Variants in AK8 observed in about 807,000 individuals in gnomAD.
The protein encoded by AK8 is ATP-AMP transphosphorylase 8.
In AK8, 44 loss-of-function variants were observed where a neutral mutation model predicts 54.6. The ratio of observed to expected loss-of-function variants is 0.81; its 90% CI spans 0.63 to 1.04. The LOEUF (loss-of-function observed/expected upper bound fraction) is 1.04. Among genes scored for constraint, AK8 ranks in the 50% least tolerant of loss-of-function variants. The probability of loss-of-function intolerance (pLI) is 0.00; values close to 1 mark genes in which losing one functional copy is unlikely to be tolerated. For missense variants in AK8, 555 were observed against 613.6 expected (o/e 0.90, Z 1.01); for synonymous variants, 239 against 245.6 (o/e 0.97, Z 0.25).
At chr9:132,811,017 T>C (rs931562183) in intron 10 of AK8, among the ~76,000 whole-genome samples, 7 of 152,024 alleles carry the variant, frequency 4.6e-5, no homozygotes, top group Admixed American at 2.0e-4. Context: ...AGAGAGGTGG[T>C]TCACAAAGAT....
rs140361039 is a variant in AK8, at chr9:132,796,130, A to G, written c.980-3355T>C. On this transcript the variant is annotated intron_variant, in intron 10 of 12. Transcript: ENST00000298545. ...TGGTTTAAGTGACCCGCCCAAGGTC[A>G]TCTAGCCAGCTGGTGATCAGGCTGG... 7.3e-3 allele frequency among the ~76,000 whole-genome samples: 1,119 copies of G among 152,302 alleles called. 13 individuals carry two copies. The highest frequency in any genetic ancestry group is 0.025 in the African/African-American group (1,049 of 41,564).
At chr9:132,772,785 CCT>C (rs894976103) in intron 11 of AK8, among the ~76,000 whole-genome samples, 1 of 152,054 alleles carries the variant, frequency 6.6e-6, no homozygotes, top group Non-Finnish European at 1.5e-5. Flanking sequence ...CTCTGCAACG[CCT>C]CTCTCTCTCA....
intron 10 of AK8, among the ~76,000 whole-genome samples, chr9:132,800,074 G>T (rs924459880): frequency 1.3e-5 from 2 of 152,156 alleles, no homozygotes; most frequent in African/African-American, 4.8e-5. Context: ...CTCGCATCCC[G>T]CCAGGGGCTC....
At chr9:132,823,944 A>C (rs1319437960) in intron 8 of AK8, among the ~76,000 whole-genome samples, 2 of 152,234 alleles carry the variant, frequency 1.3e-5, no homozygotes, top group African/African-American at 4.8e-5. Context: ...CCAAAGAGGT[A>C]GTGATCAAAG....
At position 132,748,870 on chromosome 9, in the gene AK8, G is replaced by GTGTT. The variant is rs201854731; in HGVS notation, c.1122-21340_1122-21337dup. Among the ~76,000 whole-genome samples the GTGTT allele has an allele frequency of 6.2e-4, 94 of 151,964 alleles. 1 individual carries two copies. In the East Asian group the frequency reaches 0.013, roughly 21 times the overall value. The stretch of plus-strand genomic sequence containing the variant: ...ATTTTTCTGATGAAGTGGCTAAGTT[G>GTGTT]TGTTTGTTTGTTTGTTTGTTTTGAG... On this transcript the variant is annotated intron_variant, in intron 11 of 12. Coordinates refer to ENST00000298545, the MANE Select transcript of AK8 (RefSeq NM_152572.3).
intron 11 of AK8, among the ~76,000 whole-genome samples, chr9:132,759,862 T>C (rs559884444): frequency 1.3e-5 from 2 of 152,352 alleles, no homozygotes; most frequent in African/African-American, 4.8e-5. Context: ...TCCTCCCACT[T>C]TGTCTTTCTT....
intron 11 of AK8, among the ~76,000 whole-genome samples, chr9:132,733,171 T>C (rs1046585929): frequency 2.0e-5 from 3 of 152,012 alleles, no homozygotes; most frequent in Non-Finnish European, 4.4e-5. Context: ...TCCTTGCACA[T>C]GTGCTTGATA....
In AK8 at chr9:132,729,517, T is replaced by G. The variant is rs528807273; in HGVS notation, c.1122-1983A>C. On this transcript the variant is annotated intron_variant, in intron 11 of 12. Coordinates refer to ENST00000298545, the MANE Select transcript of AK8 (RefSeq NM_152572.3). Reference sequence around the variant, plus strand: ...AGCCAGGTCTTCTAGCACTAAATCATCTGGTTCATTTTTAAAAAATAACTT... The same window carrying G: ...AGCCAGGTCTTCTAGCACTAAATCAGCTGGTTCATTTTTAAAAAATAACTT... Among the ~76,000 whole-genome samples the G allele has an allele frequency of 6.4e-4, 97 of 152,350 alleles. 1 individual carries two copies. In the Middle Eastern group the frequency reaches 0.02, roughly 32 times the overall value.
At chr9:132,802,777 A>G (rs2131207704) in intron 10 of AK8, among the ~76,000 whole-genome samples, 1 of 152,274 alleles carries the variant, frequency 6.6e-6, no homozygotes, top group African/African-American at 2.4e-5. Context: ...AAGGCATCCC[A>G]CCTAAGCCCA....
At chr9:132,758,230 C>A (rs552393240) in intron 11 of AK8, among the ~76,000 whole-genome samples, 1 of 152,170 alleles carries the variant, frequency 6.6e-6, no homozygotes, top group South Asian at 2.1e-4. Context: ...GAAACAGTCA[C>A]ACGAATACGC....
chr9:132,851,792 C>T (rs1842980896), intron 5 of AK8, among the ~76,000 whole-genome samples: 2 of 152,186 alleles, frequency 1.3e-5, no homozygotes, highest in Admixed American at 1.3e-4. Flanking sequence ...CAGTCATCTG[C>T]TAAGACAAAA....
intron 11 of AK8, among the ~76,000 whole-genome samples, chr9:132,735,707 C>T (rs1023120048): frequency 7.2e-5 from 11 of 152,298 alleles, no homozygotes; most frequent in Middle Eastern, 3.4e-3. Flanking sequence ...AGTACCACTT[C>T]GGAGGATATA....
intron 5 of AK8, among the ~76,000 whole-genome samples, chr9:132,829,130 G>A (rs530498750): frequency 2.0e-5 from 3 of 151,922 alleles, no homozygotes; most frequent in East Asian, 3.9e-4. Context: ...CTAATTTTTT[G>A]TATTTTTAGT....
intron 5 of AK8, among the ~76,000 whole-genome samples, chr9:132,835,876 C>A (rs1401624396): frequency 6.6e-6 from 1 of 152,170 alleles, no homozygotes; most frequent in East Asian, 1.9e-4. Context: ...GTAATCCCAG[C>A]ACTTTGGGAG....
intron 11 of AK8, among the ~76,000 whole-genome samples, chr9:132,778,551 T>C (rs564044699): frequency 1.3e-5 from 2 of 152,348 alleles, no homozygotes; most frequent in Admixed American, 1.3e-4. Flanking sequence ...TTGGTCCTAC[T>C]GCTGTCCTCT....
At chr9:132,805,552 C>T (rs1055058303) in intron 10 of AK8, among the ~76,000 whole-genome samples, 15 of 152,136 alleles carry the variant, frequency 9.9e-5, no homozygotes, top group African/African-American at 3.4e-4. Context: ...CTTTTGGTGA[C>T]GGGGCTGCCT....
chr9:132,856,327 C>T (rs1160734160), intron 4 of AK8, among the ~76,000 whole-genome samples: 5 of 152,364 alleles, frequency 3.3e-5, no homozygotes, highest in African/African-American at 1.2e-4. Flanking sequence ...AGGCTCTCTG[C>T]TCCTGGCGGC....
At chr9:132,801,590 A>C (rs780933487) in intron 10 of AK8, among the ~76,000 whole-genome samples, 1 of 152,132 alleles carries the variant, frequency 6.6e-6, no homozygotes, top group Non-Finnish European at 1.5e-5. Context: ...TTTTTCTCCC[A>C]CATCTCAAGG....
intron 3 of AK8, 77 bp downstream of exon 3, chr9:132,866,827 G>A (rs1348860721): frequency 1.4e-5 from 18 of 1,327,944 alleles, no homozygotes; most frequent in African/African-American, 5.8e-5. Context: ...ACAAATTCAC[G>A]GAGGTGCAGT....
Sources: allele counts gnomAD v4.1 joint callset (sites outside exome capture counted in the v4.1 genomes callset), GRCh38; gene constraint gnomAD v4.1.1; transcripts MANE v1.5; gene names NCBI Gene and HGNC (gene_info 2026-07-23, HGNC 2026-07-21).